Variants in TSPAN5 observed in about 807,000 individuals in gnomAD.
TSPAN5 encodes the protein tetraspanin-5.
TSPAN5 carries 10 observed loss-of-function variants against 37.1 expected under a neutral mutation model. That is an observed-to-expected ratio of 0.27 (90% confidence interval 0.17 to 0.46). The LOEUF (loss-of-function observed/expected upper bound fraction) is 0.46. Among genes scored for constraint, TSPAN5 ranks in the 20% least tolerant of loss-of-function variants. The probability of loss-of-function intolerance (pLI) is 1.00; values close to 1 mark genes in which losing one functional copy is unlikely to be tolerated. For synonymous variants in TSPAN5, 110 were observed against 118.9 expected, an observed-to-expected ratio of 0.93 and a Z score of 0.48; for missense variants, 195 against 326.6, an observed-to-expected ratio of 0.60 and a Z score of 3.11.
intron 2 of TSPAN5, among the ~76,000 whole-genome samples, chr4:98,500,588 C>G (rs1753322423): frequency 1.3e-5 from 2 of 152,296 alleles, no homozygotes; most frequent in South Asian, 4.1e-4. Flanking sequence ...ATCTCTGTGC[C>G]TTGGTTTCCC....
At chr4:98,610,986 C>T (rs867903879) in intron 1 of TSPAN5, among the ~76,000 whole-genome samples, 3 of 152,132 alleles carry the variant, frequency 2.0e-5, no homozygotes, top group Non-Finnish European at 2.9e-5. Context: ...TGATATGACT[C>T]GATGTAATGT....
At chr4:98,550,174 T>C (rs1308564665) in intron 1 of TSPAN5, among the ~76,000 whole-genome samples, 2 of 152,188 alleles carry the variant, frequency 1.3e-5, no homozygotes, top group Non-Finnish European at 2.9e-5. Context: ...TTTTGTTGAA[T>C]TTGTTGAAAA....
intron 1 of TSPAN5, among the ~76,000 whole-genome samples, chr4:98,652,788 G>A (rs1375155556): frequency 3.9e-5 from 6 of 152,160 alleles, no homozygotes; most frequent in African/African-American, 1.4e-4. Flanking sequence ...CTTTTGCCAG[G>A]GACTACCTAT....
chr4:98,526,710 G>A (rs980025902), intron 1 of TSPAN5, among the ~76,000 whole-genome samples: 1 of 150,294 alleles, frequency 6.7e-6, no homozygotes, highest in Non-Finnish European at 1.5e-5. Context: ...GGTCTCAAGG[G>A]GGGTGGAGGA....
At chr4:98,581,024 T>C (rs1034579251) in intron 1 of TSPAN5, among the ~76,000 whole-genome samples, 2 of 152,110 alleles carry the variant, frequency 1.3e-5, no homozygotes, top group African/African-American at 4.8e-5. Context: ...GGCTGACCAT[T>C]AGAAACCCCA....
intron 1 of TSPAN5, among the ~76,000 whole-genome samples, chr4:98,587,337 C>G (rs995876752): frequency 2.6e-5 from 4 of 152,324 alleles, no homozygotes; most frequent in Admixed American, 2.0e-4. Context: ...ACCATGATTT[C>G]TAGAGTTCTT....
chr4:98,546,462 C>A (rs115782655), intron 1 of TSPAN5, among the ~76,000 whole-genome samples: 1 of 152,296 alleles, frequency 6.6e-6, no homozygotes, highest in African/African-American at 2.4e-5. Context: ...TGAAGACCAG[C>A]AGTATTCCCC....
At chr4:98,627,272 C>A (rs1756628628) in intron 1 of TSPAN5, among the ~76,000 whole-genome samples, 1 of 152,054 alleles carries the variant, frequency 6.6e-6, no homozygotes, top group African/African-American at 2.4e-5. Flanking sequence ...TATGAGTGAT[C>A]CTGAACCGGA....
intron 1 of TSPAN5, among the ~76,000 whole-genome samples, chr4:98,554,076 T>A (rs10012806): frequency 0.082 from 12,374 of 151,130 alleles, 763 homozygotes; most frequent in African/African-American, 0.17. Context: ...AAAAAAAAAA[T>A]AAATTAAAAA....
intron 2 of TSPAN5, among the ~76,000 whole-genome samples, chr4:98,493,546 G>T (rs1578944386): frequency 6.6e-6 from 1 of 152,314 alleles, no homozygotes; most frequent in South Asian, 2.1e-4. Context: ...ATGAGAGAGA[G>T]CCAGAGACCA....
At chr4:98,519,661 T>C (rs1209114370) in intron 1 of TSPAN5, among the ~76,000 whole-genome samples, 1 of 152,210 alleles carries the variant, frequency 6.6e-6, no homozygotes, top group Non-Finnish European at 1.5e-5. Flanking sequence ...TTAGGAATAC[T>C]AGAAGTGGAG....
At chr4:98,640,792 C>G (rs1756948687) in intron 1 of TSPAN5, among the ~76,000 whole-genome samples, 1 of 152,178 alleles carries the variant, frequency 6.6e-6, no homozygotes, top group Non-Finnish European at 1.5e-5. Flanking sequence ...CTGACAACAC[C>G]TTTTCCCAGG....
In TSPAN5 at chr4:98,470,720, AACACACACATGCAGAGCCATAC is replaced by A. The variant is rs1752562875; in HGVS notation, c.*1780_*1801del. 6.6e-6 allele frequency: 1 copy of A among 152,220 alleles called. No individual in the cohort carries two copies. The highest frequency in any genetic ancestry group is 2.4e-5 in the African/African-American group (1 of 41,458). The allele number at this position is 152,220 out of a possible 1,614,324, so 9.4% of individuals were successfully genotyped here. A position where few individuals can be genotyped will look rare whatever the true frequency, so the allele number is the denominator to read the frequency against. On this transcript the variant is annotated 3_prime_UTR_variant, in exon 8 of 8. Transcript: ENST00000305798. ...ATACCTCTACCTATACAGAGACAAA[AACACACACATGCAGAGCCATAC>A]ACACACCCAAACAGTGAACACAGTT... is the stretch of plus-strand genomic sequence containing the variant.
At chr4:98,495,763 T>C (rs1463356221) in intron 2 of TSPAN5, among the ~76,000 whole-genome samples, 1 of 151,896 alleles carries the variant, frequency 6.6e-6, no homozygotes, top group Non-Finnish European at 1.5e-5. Flanking sequence ...CAGGAGTGTC[T>C]GTGTTTTTTT....
chr4:98,476,660 G>T (rs985051690), intron 5 of TSPAN5, among the ~76,000 whole-genome samples, 200 bp from the exon 6 acceptor site: 1 of 152,150 alleles, frequency 6.6e-6, no homozygotes, highest in Non-Finnish European at 1.5e-5. Context: ...ATTAAAATAT[G>T]CCCTATTTTA....
intron 1 of TSPAN5, among the ~76,000 whole-genome samples, chr4:98,609,614 G>A (rs1756132503): frequency 1.3e-5 from 2 of 152,188 alleles, no homozygotes; most frequent in Non-Finnish European, 1.5e-5. Flanking sequence ...GTGTCCAGGT[G>A]CAGGTCTACT....
Position 98,577,747 on chromosome 4 carries a change from T to C in TSPAN5, c.82-70019A>G, listed in dbSNP as rs572953473. 3.1e-4 allele frequency among the ~76,000 whole-genome samples: 47 copies of C among 152,318 alleles called. 1 individual carries two copies. In the South Asian group the frequency reaches 8.7e-3, roughly 28 times the overall value. On this transcript the variant is annotated intron_variant, in intron 1 of 7. Coordinates refer to ENST00000305798, the MANE Select transcript of TSPAN5 (RefSeq NM_005723.4). The stretch of plus-strand genomic sequence containing the variant: ...GACTCTTTCAGCCCAAATCCAGTTC[T>C]GCTATTCACTGGCTGTGTCAATTGG...
At chr4:98,613,279 A>T (rs1035595911) in intron 1 of TSPAN5, among the ~76,000 whole-genome samples, 6 of 152,168 alleles carry the variant, frequency 3.9e-5, no homozygotes, top group Admixed American at 6.5e-5. Context: ...AATTTACAGT[A>T]ATGCTACAAT....
chr4:98,503,489 G>C (rs529920383), intron 2 of TSPAN5, among the ~76,000 whole-genome samples: 1 of 152,236 alleles, frequency 6.6e-6, no homozygotes, highest in East Asian at 1.9e-4. Flanking sequence ...CTAACATGTG[G>C]AAAGACTTAT....
Sources: allele counts gnomAD v4.1 joint callset (sites outside exome capture counted in the v4.1 genomes callset), GRCh38; gene constraint gnomAD v4.1.1; transcripts MANE v1.5; gene names NCBI Gene and HGNC (gene_info 2026-07-23, HGNC 2026-07-21).